Variants in QRICH1 observed in about 807,000 individuals in gnomAD.
QRICH1 encodes the protein transcriptional regulator QRICH1.
A neutral mutation model predicts 87.1 loss-of-function variants in QRICH1; 16 were observed. The observed-to-expected ratio is 0.18, with a 90% CI of 0.12 to 0.28. The LOEUF (loss-of-function observed/expected upper bound fraction) is 0.28. Ranked by LOEUF, QRICH1 falls within the 10% of genes least tolerant of loss-of-function variation. The pLI, the probability that QRICH1 is intolerant of heterozygous loss-of-function variation, is 1.00. For synonymous variants in QRICH1, 367 were observed against 368.4 expected (o/e 1.00, Z 0.05); for missense variants, 647 against 951.7 (o/e 0.68, Z 4.21).
chr3:49,039,787 C>T (rs945941128), intron 6 of QRICH1, among the ~76,000 whole-genome samples: 11 of 152,118 alleles, frequency 7.2e-5, no homozygotes, highest in South Asian at 2.1e-4. Flanking sequence ...AGGCCAGGCT[C>T]GGTGGCTCAT....
At chr3:49,037,947 AAAAAAC>A (rs983624186) in intron 6 of QRICH1, among the ~76,000 whole-genome samples, 5 of 152,316 alleles carry the variant, frequency 3.3e-5, no homozygotes, top group Admixed American at 6.5e-5. Flanking sequence ...CCGTCTCAAG[AAAAAAC>A]AAAAACAAAA....
In QRICH1 at chr3:49,029,803, T is replaced by C. The variant is rs2093222501; in HGVS notation, c.*649A>G. ...TCTTTATATGATACACAAGTGTATG[T>C]TACAAGAATTCCATCAGGCACAGGA... On this transcript the variant is annotated 3_prime_UTR_variant, in exon 10 of 10. Coordinates refer to ENST00000395443, the MANE Select transcript of QRICH1 (RefSeq NM_198880.3). The C allele has an allele frequency of 1.1e-5, 2 of 190,106 alleles. No homozygotes were observed. Among genetic ancestry groups the C allele is most frequent in the South Asian group, 1.7e-4 (2 of 11,780 alleles). 11.8% of individuals were successfully genotyped at this position (190,106 alleles called of 1,614,324 possible).
In QRICH1 at chr3:49,032,742, T is replaced by C. The variant is rs750424020; in HGVS notation, c.1927A>G (p.Met643Val). The C allele has an allele frequency of 1.9e-6, 3 of 1,609,212 alleles. No individual in the cohort carries two copies. The highest frequency in any genetic ancestry group is 4.5e-5 in the East Asian group (2 of 44,696). ...AAGACCTTGGAGAAGGCCAGCTTCATGTGCTGGTCCACTGTCTTCAATAGG... is the reference window on the plus strand; with the variant it reads ...AAGACCTTGGAGAAGGCCAGCTTCACGTGCTGGTCCACTGTCTTCAATAGG... ...YFLLKTVDQH[M>V]KLAFSKVLRQ... The change falls in exon 8 of 10, where the codon ATG becomes GTG. Residue 643 changes from methionine to valine, a missense_variant. Coordinates refer to ENST00000395443, the MANE Select transcript of QRICH1 (RefSeq NM_198880.3).
chr3:49,079,573 A>G (rs541389955), intron 1 of QRICH1, among the ~76,000 whole-genome samples: 1 of 151,524 alleles, frequency 6.6e-6, no homozygotes, highest in South Asian at 2.1e-4. Flanking sequence ...AACGATGTCC[A>G]CATCACACAT....
chr3:49,040,561 G>T (rs938270772), intron 6 of QRICH1, among the ~76,000 whole-genome samples: 3 of 152,060 alleles, frequency 2.0e-5, no homozygotes, highest in Non-Finnish European at 4.4e-5. Flanking sequence ...TATATTCTCC[G>T]GCACCTAGCA....
intron 9 of QRICH1, among the ~76,000 whole-genome samples, chr3:49,031,079 T>C (rs1198059790): frequency 1.4e-5 from 2 of 148,090 alleles, no homozygotes; most frequent in Non-Finnish European, 1.5e-5. Context: ...CTCCGCCCCC[T>C]TGGTTGAAGC....
At position 49,062,999 on chromosome 3, in the gene QRICH1, C is replaced by CA. The variant is rs201132903; in HGVS notation, c.310-5110dup. 3.8e-3 allele frequency among the ~76,000 whole-genome samples: 499 copies of CA among 129,750 alleles called. 1 individual carries two copies. Among genetic ancestry groups the CA allele is most frequent in the East Asian group, 0.011 (47 of 4,388 alleles). The allele number at this position is 129,750 out of a possible 152,430, so 85.1% of individuals were successfully genotyped here. On this transcript the variant is annotated intron_variant, in intron 2 of 9. Transcript: ENST00000395443. ...TGGGTGACAGAACGAGACTCCGTCT[C>CA]AAAAAAAAAAAAGGCTCAGGTTTTG... is the stretch of plus-strand genomic sequence containing the variant.
In QRICH1 at chr3:49,084,182, G is replaced by T. The variant is rs560772309; in HGVS notation, c.-21-7144C>A. ...GCTGGTCTCGAACTCTTAACCTCAG[G>T]TAATCCACTCGCTTCCACCTTCCAA... is the stretch of plus-strand genomic sequence containing the variant. On this transcript the variant is annotated intron_variant, in intron 1 of 9. Coordinates refer to ENST00000395443, the MANE Select transcript of QRICH1 (RefSeq NM_198880.3). Among the ~76,000 whole-genome samples the T allele has an allele frequency of 1.4e-4, 21 of 152,116 alleles. 1 individual carries two copies. The highest frequency in any genetic ancestry group is 1.5e-5 in the Non-Finnish European group (1 of 68,010).
In QRICH1 at chr3:49,029,900, A is replaced by C. The variant is rs1461234881; in HGVS notation, c.*552T>G. 5.9e-6 allele frequency: 1 copy of C among 170,712 alleles called. No individual in the cohort carries two copies. Among genetic ancestry groups the C allele is most frequent in the African/African-American group, 2.4e-5 (1 of 41,788 alleles). 10.6% of individuals were successfully genotyped at this position (170,712 alleles called of 1,614,324 possible). A position where few individuals can be genotyped will look rare whatever the true frequency, so the allele number is the denominator to read the frequency against. ...GGCATGGTAAAGTTTTTACTTTTAC[A>C]TCTAAAATGTCACTTGTCATAAAGG... is the stretch of plus-strand genomic sequence containing the variant. On this transcript the variant is annotated 3_prime_UTR_variant, in exon 10 of 10. Coordinates refer to ENST00000395443, the MANE Select transcript of QRICH1 (RefSeq NM_198880.3).
chr3:49,077,119 G>T, intron 1 of QRICH1, 81 bp from the exon 2 acceptor site: 1 of 930,372 alleles, frequency 1.1e-6, no homozygotes, highest in Non-Finnish European at 1.5e-6. Flanking sequence ...CACAAGAGTG[G>T]AATATATTCA....
intron 6 of QRICH1, among the ~76,000 whole-genome samples, chr3:49,034,751 G>A (rs902140517): frequency 1.3e-5 from 2 of 152,234 alleles, no homozygotes; most frequent in African/African-American, 4.8e-5. Flanking sequence ...AGCCAGGTCT[G>A]CACCAAAGAA....
At chr3:49,074,684 G>A (rs918194199) in intron 2 of QRICH1, among the ~76,000 whole-genome samples, 3 of 151,864 alleles carry the variant, frequency 2.0e-5, no homozygotes, top group Non-Finnish European at 4.4e-5. Context: ...CCACAGCAAA[G>A]ATCAAATATT....
rs181165388 is a variant in QRICH1, at chr3:49,030,448, C to A, written c.*4G>T. 3,035 of 1,612,360 alleles carry A rather than the reference C, an allele frequency of 1.9e-3. 5 individuals carry two copies. Among genetic ancestry groups the A allele is most frequent in the Non-Finnish European group, 2.2e-3 (2,556 of 1,179,690 alleles). Reference sequence around the variant, plus strand: ...GGTTTCTCTTGTGCCATGGCCAAGGCATCTCAGTGCATAGTGCTTGCATTG... The same window carrying A: ...GGTTTCTCTTGTGCCATGGCCAAGGAATCTCAGTGCATAGTGCTTGCATTG... On this transcript the variant is annotated 3_prime_UTR_variant, in exon 10 of 10. Coordinates refer to ENST00000395443, the MANE Select transcript of QRICH1 (RefSeq NM_198880.3).
At chr3:49,066,760 A>C (rs1575360633) in intron 2 of QRICH1, among the ~76,000 whole-genome samples, 1 of 152,156 alleles carries the variant, frequency 6.6e-6, no homozygotes, top group African/African-American at 2.4e-5. Context: ...TTAAAAGGCC[A>C]AGTGAGGTGG....
chr3:49,032,942 G>A, intron 7 of QRICH1, 169 bp from the exon 8 acceptor site: 1 of 972,500 alleles, frequency 1.0e-6, no homozygotes, highest in Non-Finnish European at 1.5e-6. Context: ...ATGGATGGTA[G>A]GGGTCTGGCA....
At chr3:49,081,282 T>C (rs556726578) in intron 1 of QRICH1, among the ~76,000 whole-genome samples, 2 of 152,148 alleles carry the variant, frequency 1.3e-5, no homozygotes. Flanking sequence ...CCGGGCATGA[T>C]GGCACATTCC....
At chr3:49,066,649 T>C (rs1176646586) in intron 2 of QRICH1, among the ~76,000 whole-genome samples, 2 of 152,032 alleles carry the variant, frequency 1.3e-5, no homozygotes, top group Non-Finnish European at 2.9e-5. Context: ...TATTTTTAGT[T>C]GAGACAAGGT....
chr3:49,071,867 A>C (rs2041837534), intron 2 of QRICH1, among the ~76,000 whole-genome samples: 1 of 152,060 alleles, frequency 6.6e-6, no homozygotes, highest in South Asian at 2.1e-4. Flanking sequence ...TAATTTTTGT[A>C]CTTTTGTACA....
At chr3:49,092,810 T>C (rs1397652120) in intron 1 of QRICH1, among the ~76,000 whole-genome samples, 1 of 152,238 alleles carries the variant, frequency 6.6e-6, no homozygotes, top group African/African-American at 2.4e-5. Context: ...CAGATTTTAG[T>C]AATTTCTGCT....
Sources: gnomAD v4.1 joint callset for allele counts (sites outside exome capture counted in the v4.1 genomes callset) on GRCh38, gnomAD v4.1.1 for gene constraint, MANE v1.5 for transcripts, NCBI Gene and HGNC (gene_info 2026-07-23, HGNC 2026-07-21) for gene names.